ATP13A4: variants seen among roughly 807,000 people sequenced by gnomAD.
ATP13A4 encodes probable cation-transporting ATPase 13A4.
ATP13A4 carries 114 observed loss-of-function variants against 142.5 expected under a neutral mutation model. The ratio of observed to expected loss-of-function variants is 0.80; its 90% CI spans 0.69 to 0.93. ATP13A4 has a LOEUF of 0.93. Ranked by LOEUF, ATP13A4 falls within the 40% of genes least tolerant of loss-of-function variation. The probability of loss-of-function intolerance (pLI) is 0.00; values close to 1 mark genes in which losing one functional copy is unlikely to be tolerated. For synonymous variants in ATP13A4, 488 were observed against 514.8 expected (o/e 0.95, Z 0.70); for missense variants, 1,392 against 1,454.0 (o/e 0.96, Z 0.69).
intron 1 of ATP13A4, among the ~76,000 whole-genome samples, chr3:193,521,649 C>A (rs1577047268): frequency 6.6e-6 from 1 of 152,296 alleles, no homozygotes; most frequent in East Asian, 1.9e-4. Context: ...AACTGCACCT[C>A]CAGCCAGGTG....
At chr3:193,558,794 T>C (rs989792196), upstream of ATP13A4, among the ~76,000 whole-genome samples, 1 of 152,192 alleles carries the variant, frequency 6.6e-6, no homozygotes, top group Non-Finnish European at 1.5e-5. Context: ...GAGAGGAATG[T>C]CCAAAAGGAA....
Position 193,440,603 on chromosome 3 carries a change from G to A in ATP13A4, c.2474C>T (p.Ser825Phe). Residue 825 changes from serine (S) to phenylalanine (F), a missense_variant, in exon 21 of 30, where the codon TCT becomes TTT. Transcript: ENST00000342695. ...LINGTIFARM[S>F]PGQKSSLVEE... ...CACCAGACTGGACTTCTGCCCAGGA[G>A]ACATTCTTGCAAAGATGGTCCCATT... 1 of 1,614,026 alleles carries A rather than the reference G, an allele frequency of 6.2e-7. No homozygotes were observed. The highest frequency in any genetic ancestry group is 8.5e-7 in the Non-Finnish European group (1 of 1,179,936).
rs908049367 is a variant in ATP13A4 at position 193,418,660 on chromosome 3, T to C, written c.2843-3910A>G. 1.3e-4 allele frequency among the ~76,000 whole-genome samples: 19 copies of C among 149,944 alleles called. 1 individual carries two copies. Among genetic ancestry groups the C allele is most frequent in the Middle Eastern group, 3.4e-3 (1 of 292 alleles). On this transcript the variant is annotated intron_variant, in intron 25 of 29. Transcript: ENST00000342695. Reference sequence around the variant, plus strand: ...ACCCCAGCAGCCCCCATCAACACCCTGGACACCTACAGTCCTCACAGGCAC... The same window carrying C: ...ACCCCAGCAGCCCCCATCAACACCCCGGACACCTACAGTCCTCACAGGCAC...
At chr3:193,480,961 A>G (rs960392574) in intron 8 of ATP13A4, among the ~76,000 whole-genome samples, 8 of 152,218 alleles carry the variant, frequency 5.3e-5, no homozygotes, top group African/African-American at 1.9e-4. Flanking sequence ...AAAATGAAAT[A>G]ATGGCATTTG....
chr3:193,576,427 G>T (rs71316208), intron 2 of ATP13A4, among the ~76,000 whole-genome samples: 6 of 149,504 alleles, frequency 4.0e-5, no homozygotes, highest in African/African-American at 1.2e-4. Context: ...GCCCGCCACC[G>T]CGCCCGGCTA....
chr3:193,526,244 T>C (rs1721996343), intron 1 of ATP13A4, among the ~76,000 whole-genome samples: 1 of 152,114 alleles, frequency 6.6e-6, no homozygotes, highest in African/African-American at 2.4e-5. Flanking sequence ...GTGGCACATA[T>C]ACACCATGGA....
chr3:193,574,938 T>C (rs1018469276), intron 2 of ATP13A4, among the ~76,000 whole-genome samples: 4 of 152,190 alleles, frequency 2.6e-5, no homozygotes, highest in African/African-American at 9.7e-5. Flanking sequence ...TGGAAGCCTC[T>C]GTGACTACTC....
At chr3:193,425,967 A>G (rs1715638191) in intron 25 of ATP13A4, among the ~76,000 whole-genome samples, 1 of 151,892 alleles carries the variant, frequency 6.6e-6, no homozygotes, top group Admixed American at 6.6e-5. Context: ...GTATTGAAAC[A>G]TCACATTGTA....
chr3:193,449,991 C>T (rs1329176764), intron 17 of ATP13A4, among the ~76,000 whole-genome samples: 9 of 151,758 alleles, frequency 5.9e-5, no homozygotes, highest in African/African-American at 2.2e-4. Flanking sequence ...TGGTGCCAGG[C>T]GCCTGTAATC....
chr3:193,423,953 A>G (rs1307058555), intron 25 of ATP13A4, among the ~76,000 whole-genome samples: 2 of 149,668 alleles, frequency 1.3e-5, no homozygotes, highest in East Asian at 4.1e-4. Context: ...GAAAACTAAC[A>G]GAACTAATAA....
intron 14 of ATP13A4, 45 bp from the exon 15 acceptor site, chr3:193,457,510 T>C: frequency 1.3e-6 from 2 of 1,564,922 alleles, no homozygotes; most frequent in Admixed American, 3.3e-5. Context: ...TTATTTATTG[T>C]TTGCCCACTG....
At chr3:193,409,724 G>A (rs1714673590) in intron 28 of ATP13A4, among the ~76,000 whole-genome samples, 1 of 152,198 alleles carries the variant, frequency 6.6e-6, no homozygotes, top group African/African-American at 2.4e-5. Flanking sequence ...AAACATATTA[G>A]TATGTCAAAC....
intron 13 of ATP13A4, among the ~76,000 whole-genome samples, chr3:193,460,812 A>G (rs9814308): frequency 0.49 from 74,579 of 152,080 alleles, 18,501 homozygotes; most frequent in African/African-American, 0.58. Flanking sequence ...ATTCCTGTCC[A>G]CCCATTTTTA....
chr3:193,585,638 G>A (rs541299689), intron 1 of ATP13A4, among the ~76,000 whole-genome samples: 139 of 152,186 alleles, frequency 9.1e-4, no homozygotes, highest in African/African-American at 3.1e-3. Flanking sequence ...TGAGTTCAGC[G>A]CGTCTGTTAG....
At chr3:193,573,285 A>ATGTGTATATATATATG (rs1560287259) in intron 2 of ATP13A4, among the ~76,000 whole-genome samples, 1 of 98,120 alleles carries the variant, frequency 1.0e-5, no homozygotes, top group African/African-American at 5.0e-5. Flanking sequence ...ACATATATAT[A>ATGTGTATATATATATG]TATACACATA....
Position 193,460,539 on chromosome 3 carries a change from T to C in ATP13A4, c.1524-1308A>G, listed in dbSNP as rs567110442. On this transcript the variant is annotated intron_variant, in intron 13 of 29. Transcript: ENST00000342695. Reference sequence around the variant, plus strand: ...TGTTAGTTATACTTATTACTATGTCTTAAAAGAGCAGCTCATCTTGGTGGT... The same window carrying C: ...TGTTAGTTATACTTATTACTATGTCCTAAAAGAGCAGCTCATCTTGGTGGT... Among the ~76,000 whole-genome samples, 11 of 152,358 alleles carry C rather than the reference T, an allele frequency of 7.2e-5. No homozygotes were observed. In the South Asian group the frequency reaches 2.3e-3, roughly 32 times the overall value.
chr3:193,440,504 C>T (rs1207449448), intron 21 of ATP13A4, 54 bp downstream of exon 21: 41 of 1,611,386 alleles, frequency 2.5e-5, no homozygotes, highest in Non-Finnish European at 3.3e-5. Flanking sequence ...TCCACTCCCC[C>T]TGACTGTTAT....
At chr3:193,578,018 G>A (rs1724435842) in intron 2 of ATP13A4, among the ~76,000 whole-genome samples, 1 of 152,156 alleles carries the variant, frequency 6.6e-6, no homozygotes, top group Admixed American at 6.5e-5. Flanking sequence ...TCTTGGGCTA[G>A]GTGCGGTGGC....
At chr3:193,583,469 T>A (rs1356893958) in intron 1 of ATP13A4, among the ~76,000 whole-genome samples, 1 of 151,498 alleles carries the variant, frequency 6.6e-6, no homozygotes, top group East Asian at 1.9e-4. Flanking sequence ...AATAGTAAGA[T>A]GACAAGAAAA....
Sources: allele counts gnomAD v4.1 joint callset (sites outside exome capture counted in the v4.1 genomes callset), GRCh38; gene constraint gnomAD v4.1.1; transcripts MANE v1.5; gene names NCBI Gene and HGNC (gene_info 2026-07-23, HGNC 2026-07-21).